The following COBL variants were observed in gnomAD, a reference collection of about 807,000 sequenced individuals.
COBL encodes cordon-bleu WH2 repeat protein.
A neutral mutation model predicts 98.8 loss-of-function variants in COBL; 51 were observed. That is an observed-to-expected ratio of 0.52 (90% confidence interval 0.41 to 0.65). The LOEUF (loss-of-function observed/expected upper bound fraction) is 0.65. COBL is among the 30% of genes least tolerant of loss of function. COBL has a pLI of 0.00. For synonymous variants in COBL, 634 were observed against 651.7 expected, an observed-to-expected ratio of 0.97 and a Z score of 0.41; for missense variants, 1,617 against 1,617.5, an observed-to-expected ratio of 1.00 and a Z score of 0.01.
chr7:51,260,028 A>G (rs1333470810), intron 1 of COBL: 4 of 795,934 alleles, frequency 5.0e-6, no homozygotes, highest in African/African-American at 1.7e-5. Context: ...GTTTAACTTG[A>G]GCCCTTTTCC....
At chr7:51,069,265 A>T (rs543442869) in intron 7 of COBL, among the ~76,000 whole-genome samples, 109 of 152,346 alleles carry the variant, frequency 7.2e-4, no homozygotes, top group Non-Finnish European at 1.4e-3. Flanking sequence ...AAATATGCTT[A>T]CTTCCACCAC....
Position 51,316,756 on chromosome 7 carries a change from C to A in COBL, c.-123G>T. 1.3e-6 allele frequency: 1 copy of A among 775,662 alleles called. No homozygotes were observed. Among genetic ancestry groups the A allele is most frequent in the Non-Finnish European group, 1.7e-6 (1 of 583,300 alleles). 48.0% of individuals were successfully genotyped at this position (775,662 alleles called of 1,614,324 possible). A position where few individuals can be genotyped will look rare whatever the true frequency, so the allele number is the denominator to read the frequency against. On this transcript the variant is annotated 5_prime_UTR_variant, in exon 1 of 13. Transcript: ENST00000265136. ...CTGACCCATCGTCCTCCCACGCGGG[C>A]CGGCGGAGGACAGCGGCGGAGCGCG...
chr7:51,085,850 T>C (rs1794184576), intron 6 of COBL, among the ~76,000 whole-genome samples: 1 of 152,210 alleles, frequency 6.6e-6, no homozygotes, highest in Admixed American at 6.5e-5. Context: ...TGGACACATC[T>C]TGATCCAGAA....
chr7:51,243,829 A>T (rs900656721), intron 1 of COBL, among the ~76,000 whole-genome samples: 3 of 150,416 alleles, frequency 2.0e-5, no homozygotes, highest in African/African-American at 7.4e-5. Context: ...GCCTGCATGG[A>T]CCTTCAGGTG....
chr7:51,284,816 G>A (rs1800171991), intron 1 of COBL, among the ~76,000 whole-genome samples: 1 of 145,726 alleles, frequency 6.9e-6, no homozygotes, highest in Admixed American at 6.9e-5. Flanking sequence ...AACAAAGCAA[G>A]ACTCCGTCTC....
intron 2 of COBL, among the ~76,000 whole-genome samples, chr7:51,194,440 T>G (rs1028382932): frequency 2.6e-5 from 4 of 152,236 alleles, no homozygotes; most frequent in Non-Finnish European, 5.9e-5. Context: ...TGTGTCTTTA[T>G]GACAGAATGA....
chr7:51,134,057 G>A (rs1021261299), intron 6 of COBL, among the ~76,000 whole-genome samples: 6 of 152,176 alleles, frequency 3.9e-5, no homozygotes, highest in Non-Finnish European at 8.8e-5. Flanking sequence ...ACTGGTGTTA[G>A]TAACAGTTGC....
At position 51,184,206 on chromosome 7, in the gene COBL, A is replaced by T; in HGVS notation, c.686-7T>A. The T allele has an allele frequency of 9.4e-6, 14 of 1,484,804 alleles. No individual in the cohort carries two copies. The highest frequency in any genetic ancestry group is 1.3e-5 in the Non-Finnish European group (14 of 1,100,366). 92.0% of individuals were successfully genotyped at this position (1,484,804 alleles called of 1,614,324 possible). On this transcript the variant is annotated splice_polypyrimidine_tract_variant and splice_region_variant and intron_variant, in intron 4 of 12. Coordinates refer to ENST00000265136, the MANE Select transcript of COBL (RefSeq NM_015198.5). Reference sequence around the variant, plus strand: ...GATGATTTCCTAAAGGTTTCTGGAAAAAAAAAGCACTAAGTTATTTTTCAG... The same window carrying T: ...GATGATTTCCTAAAGGTTTCTGGAATAAAAAAGCACTAAGTTATTTTTCAG...
chr7:51,032,757 T>C (rs965632197), intron 8 of COBL: 1 of 152,212 alleles, frequency 6.6e-6, no homozygotes, highest in Admixed American at 6.5e-5. Flanking sequence ...ATTATTTGAA[T>C]GCACTTTACT....
intron 5 of COBL, among the ~76,000 whole-genome samples, chr7:51,140,636 C>G (rs1374069941): frequency 1.3e-5 from 2 of 152,138 alleles, no homozygotes; most frequent in Non-Finnish European, 2.9e-5. Context: ...ATTTGACTTT[C>G]ATTGTGACGA....
At chr7:51,273,159 C>A (rs916453343) in intron 1 of COBL, among the ~76,000 whole-genome samples, 2 of 151,586 alleles carry the variant, frequency 1.3e-5, no homozygotes, top group Non-Finnish European at 2.9e-5. Context: ...TGAAACCCCA[C>A]CTCTACTAAA....
intron 2 of COBL, among the ~76,000 whole-genome samples, chr7:51,205,587 A>T (rs773977922): frequency 1.5e-4 from 23 of 151,100 alleles, no homozygotes; most frequent in Non-Finnish European, 2.5e-4. Context: ...CACAGGAAAA[A>T]GCTTCATGAC....
Position 51,026,447 on chromosome 7 carries a change from G to A in COBL, c.3504+99C>T, listed in dbSNP as rs7797054. The A allele has an allele frequency of 7.3e-3, 10,716 of 1,472,200 alleles. 645 individuals are homozygous for A. The African/African-American group carries it at 0.13, about 18-fold the overall frequency. The allele number at this position is 1,472,200 out of a possible 1,614,324, so 91.2% of individuals were successfully genotyped here. A position where few individuals can be genotyped will look rare whatever the true frequency, so the allele number is the denominator to read the frequency against. ...AAGACAGATGGTTCACCATCCAATC[G>A]GAAGGACAGAAGCTTCTGCAGCCAC... On this transcript the variant is annotated intron_variant, in intron 11 of 12. Transcript: ENST00000265136.
At chr7:51,084,439 C>T (rs1274561551) in intron 7 of COBL, among the ~76,000 whole-genome samples, 1 of 152,214 alleles carries the variant, frequency 6.6e-6, no homozygotes, top group African/African-American at 2.4e-5. Context: ...CCAACCACTC[C>T]ATGGAAGAGC....
At chr7:51,292,915 G>A (rs1410791513) in intron 1 of COBL, among the ~76,000 whole-genome samples, 1 of 152,224 alleles carries the variant, frequency 6.6e-6, no homozygotes, top group African/African-American at 2.4e-5. Context: ...CTACCCTGGG[G>A]CCAGGATTCC....
At chr7:51,202,041 G>A (rs887703869) in intron 2 of COBL, among the ~76,000 whole-genome samples, 3 of 152,206 alleles carry the variant, frequency 2.0e-5, no homozygotes, top group Admixed American at 6.5e-5. Context: ...GGCCATCTCC[G>A]TTATCAGATC....
Position 51,219,862 on chromosome 7 carries a change from C to A in COBL, c.124G>T (p.Asp42Tyr). ...TTCTGCTGCGACCCGAGGGCCCCAT[C>A]GTGGGGGGGCTTCTGGTCACTGTGC... ...HVHSDQKPPHDGALGSQQNLV... is the reference protein window; with the variant it reads ...HVHSDQKPPHYGALGSQQNLV... Residue 42 changes from aspartate to tyrosine, a missense_variant, in exon 2 of 13, where the codon GAT (aspartate) becomes TAT (tyrosine). Around this residue, in one of 3 missense-constraint regions of COBL, gnomAD observed 238 missense variants for 215.0 expected, o/e 1.11. Coordinates refer to ENST00000265136, the MANE Select transcript of COBL (RefSeq NM_015198.5). 1 of 1,613,686 alleles carries A rather than the reference C, an allele frequency of 6.2e-7. No individual in the cohort carries two copies. Among genetic ancestry groups the A allele is most frequent in the Non-Finnish European group, 8.5e-7 (1 of 1,180,040 alleles).
At chr7:51,211,147 ACTCACACATT>A (rs1792384982) in intron 2 of COBL, among the ~76,000 whole-genome samples, 1 of 152,168 alleles carries the variant, frequency 6.6e-6, no homozygotes, top group Admixed American at 6.5e-5. Flanking sequence ...CTGCCTGGCC[ACTCACACATT>A]CTCACCACCT....
intron 1 of COBL, among the ~76,000 whole-genome samples, chr7:51,237,597 T>C (rs1795390832): frequency 6.7e-6 from 1 of 149,992 alleles, no homozygotes; most frequent in Middle Eastern, 3.6e-3. Flanking sequence ...ATATGCCATA[T>C]GTCTACATTT....
Sources: allele counts gnomAD v4.1 joint callset (sites outside exome capture counted in the v4.1 genomes callset), GRCh38; gene constraint gnomAD v4.1.1; regional missense constraint gnomAD v4.1.1; transcripts MANE v1.5; gene names NCBI Gene and HGNC (gene_info 2026-07-23, HGNC 2026-07-21).